The following SPATS2 variants were observed in gnomAD, a reference collection of about 807,000 sequenced individuals.
The protein encoded by SPATS2 is spermatogenesis associated serine rich 2, also known as spermatogenesis-associated serine-rich protein 2.
A neutral mutation model predicts 63.7 loss-of-function variants in SPATS2; 38 were observed. That is an observed-to-expected ratio of 0.60 (90% CI 0.46 to 0.78). The LOEUF is 0.78. Among genes scored for constraint, SPATS2 ranks in the 30% least tolerant of loss-of-function variants. The pLI is 0.00. For missense variants in SPATS2, 588 were observed against 666.2 expected, an observed-to-expected ratio of 0.88 and a Z score of 1.29; for synonymous variants, 207 against 232.9, an observed-to-expected ratio of 0.89 and a Z score of 1.01.
At chr12:49,441,531 C>T (rs921398329) in intron 2 of SPATS2, among the ~76,000 whole-genome samples, 1 of 152,156 alleles carries the variant, frequency 6.6e-6, no homozygotes, top group African/African-American at 2.4e-5. Flanking sequence ...GTCCACTTAA[C>T]ATCAATCTGA....
At chr12:49,387,418 C>T (rs990696251) in intron 2 of SPATS2, among the ~76,000 whole-genome samples, 12 of 151,728 alleles carry the variant, frequency 7.9e-5, no homozygotes, top group African/African-American at 2.9e-4. Flanking sequence ...GGGTGGATCG[C>T]CTGGGGTTAG....
chr12:49,423,158 A>G (rs1277026387), intron 2 of SPATS2, among the ~76,000 whole-genome samples: 2 of 148,050 alleles, frequency 1.4e-5, no homozygotes, highest in Non-Finnish European at 3.0e-5. Flanking sequence ...TTTTTTTGAG[A>G]TGAAGTCTCT....
At position 49,408,432 on chromosome 12, in the gene SPATS2, T is replaced by A. The variant is rs527855178; in HGVS notation, c.-244+37142T>A. Among the ~76,000 whole-genome samples the A allele has an allele frequency of 1.4e-3, 207 of 152,120 alleles. 1 individual carries two copies. The highest frequency in any genetic ancestry group is 1.6e-3 in the Non-Finnish European group (109 of 67,986). On this transcript the variant is annotated intron_variant, in intron 2 of 13. Coordinates refer to ENST00000552918, the MANE Select transcript of SPATS2 (RefSeq NM_023071.4). ...CATGCCCGGCTAATTTTTGTATTTT[T>A]AGTAGAGACAGGGTTTTGCCATGTT... is the stretch of plus-strand genomic sequence containing the variant.
rs1045625842 is a variant in SPATS2, at chr12:49,512,264, A to G, written c.840-2291A>G. Among the ~76,000 whole-genome samples, 3 of 152,230 alleles carry G rather than the reference A, an allele frequency of 2.0e-5. No individual in the cohort carries two copies. In the East Asian group the frequency reaches 5.8e-4, roughly 29 times the overall value. ...TTGTTTAACCCTGGGCTGACATCATAGGACTTTTCACTAGATGTTATCAAT... is the reference window on the plus strand; with the variant it reads ...TTGTTTAACCCTGGGCTGACATCATGGGACTTTTCACTAGATGTTATCAAT... On this transcript the variant is annotated intron_variant, in intron 9 of 13. Transcript: ENST00000552918.
intron 3 of SPATS2, among the ~76,000 whole-genome samples, chr12:49,470,112 A>G (rs1201291386): frequency 1.3e-5 from 2 of 151,470 alleles, no homozygotes; most frequent in African/African-American, 2.4e-5. Flanking sequence ...GCTCACTGCA[A>G]CCTCCACCTC....
At chr12:49,476,429 A>G (rs1164663537) in intron 3 of SPATS2, among the ~76,000 whole-genome samples, 1 of 152,138 alleles carries the variant, frequency 6.6e-6, no homozygotes, top group Non-Finnish European at 1.5e-5. Context: ...CCCATGTGTA[A>G]TCTGATTCTT....
intron 2 of SPATS2, among the ~76,000 whole-genome samples, chr12:49,423,155 G>A (rs1208451886): frequency 7.8e-6 from 1 of 128,104 alleles, no homozygotes; most frequent in Non-Finnish European, 1.7e-5. Context: ...TTTTTTTTTT[G>A]AGATGAAGTC....
chr12:49,476,707 A>G (rs964566772), intron 3 of SPATS2, among the ~76,000 whole-genome samples: 13 of 152,186 alleles, frequency 8.5e-5, no homozygotes, highest in Admixed American at 7.2e-4. Flanking sequence ...GGACAAGGGA[A>G]CTTTTCCTGT....
rs60064985 is a variant in SPATS2, at chr12:49,509,810, C to CAA, written c.840-4730_840-4729dup. ...CCAGCCTGGGCAACAGAGCAAGTCTCAAAAAAAAAAAAAAAAGGGAAGGAA... is the reference window on the plus strand; with the variant it reads ...CCAGCCTGGGCAACAGAGCAAGTCTCAAAAAAAAAAAAAAAAAAGGGAAGGAA... On this transcript the variant is annotated intron_variant, in intron 9 of 13. Coordinates refer to ENST00000552918, the MANE Select transcript of SPATS2 (RefSeq NM_023071.4). Among the ~76,000 whole-genome samples, 185 of 71,820 alleles carry CAA rather than the reference C, an allele frequency of 2.6e-3. 2 individuals are homozygous for CAA. Among genetic ancestry groups the CAA allele is most frequent in the South Asian group, 0.021 (47 of 2,246 alleles). 47.1% of individuals were successfully genotyped at this position (71,820 alleles called of 152,430 possible). A position where few individuals can be genotyped will look rare whatever the true frequency, so the allele number is the denominator to read the frequency against.
chr12:49,374,692 G>T (rs1281247673), intron 2 of SPATS2, among the ~76,000 whole-genome samples: 1 of 151,848 alleles, frequency 6.6e-6, no homozygotes. Flanking sequence ...TGGGTGCGGT[G>T]GCTCACGCCT....
chr12:49,520,900 G>A (rs1478352448), intron 11 of SPATS2, among the ~76,000 whole-genome samples: 1 of 151,862 alleles, frequency 6.6e-6, no homozygotes, highest in Non-Finnish European at 1.5e-5. Flanking sequence ...TGTATTTTTA[G>A]TAGAGACAGG....
chr12:49,371,954 T>G (rs1423383650), intron 2 of SPATS2, among the ~76,000 whole-genome samples: 1 of 1,282 alleles, frequency 7.8e-4, no homozygotes. Flanking sequence ...CCTTTCAGGT[T>G]TTTTTTTTTT....
At chr12:49,427,487 C>G (rs1303056236) in intron 2 of SPATS2, among the ~76,000 whole-genome samples, 3 of 152,086 alleles carry the variant, frequency 2.0e-5, no homozygotes, top group Non-Finnish European at 4.4e-5. Flanking sequence ...TACGTGTTTT[C>G]TAATGTACCA....
chr12:49,505,322 T>C (rs1471123453), intron 9 of SPATS2, among the ~76,000 whole-genome samples: 5 of 152,226 alleles, frequency 3.3e-5, no homozygotes, highest in South Asian at 2.1e-4. Flanking sequence ...TTTGTTGATA[T>C]CTTGTTTCTA....
At position 49,523,444 on chromosome 12, in the gene SPATS2, A is replaced by G. The variant is rs1199573339; in HGVS notation, c.1111+591A>G. Among the ~76,000 whole-genome samples the G allele has an allele frequency of 2.6e-5, 4 of 152,120 alleles. No individual in the cohort carries two copies. The East Asian group carries it at 5.8e-4, about 22-fold the overall frequency. On this transcript the variant is annotated intron_variant, in intron 12 of 13. Transcript: ENST00000552918. ...CAGGAGTTTGAGGTTCCAGTGAGCTATGATTGCCACTGCACTCCAACCTGG... is the reference window on the plus strand; with the variant it reads ...CAGGAGTTTGAGGTTCCAGTGAGCTGTGATTGCCACTGCACTCCAACCTGG...
At chr12:49,479,546 C>G (rs904606625) in intron 3 of SPATS2, among the ~76,000 whole-genome samples, 1 of 152,192 alleles carries the variant, frequency 6.6e-6, no homozygotes, top group Non-Finnish European at 1.5e-5. Context: ...GGGCTCCTGC[C>G]TGCTTCATGG....
intron 3 of SPATS2, among the ~76,000 whole-genome samples, chr12:49,467,892 C>T (rs1945952602): frequency 6.6e-6 from 1 of 151,744 alleles, no homozygotes; most frequent in Admixed American, 6.6e-5. Flanking sequence ...TGCCACCACG[C>T]CCGGCTAATT....
Position 49,460,975 on chromosome 12 carries a change from A to G in SPATS2, c.-38A>G. 6.2e-7 allele frequency: 1 copy of G among 1,612,444 alleles called. No homozygotes were observed. The highest frequency in any genetic ancestry group is 8.5e-7 in the Non-Finnish European group (1 of 1,178,808). On this transcript the variant is annotated 5_prime_UTR_variant, in exon 3 of 14. It adds an upstream start codon to the 5' untranslated region. Transcript: ENST00000552918. The stretch of plus-strand genomic sequence containing the variant: ...CAAAACCCAGACAAGGCAAAAGGAT[A>G]CTTTTCTTGTATATTTTTTGAGATC...
At chr12:49,460,479 A>G (rs1476089782) in intron 2 of SPATS2, among the ~76,000 whole-genome samples, 1 of 152,054 alleles carries the variant, frequency 6.6e-6, no homozygotes, top group African/African-American at 2.4e-5. Flanking sequence ...GATCTTAGGG[A>G]GTGGTAAGAG....
Sources: allele counts gnomAD v4.1 joint callset (sites outside exome capture counted in the v4.1 genomes callset), GRCh38; gene constraint gnomAD v4.1.1; transcripts MANE v1.5; gene names NCBI Gene and HGNC (gene_info 2026-07-23, HGNC 2026-07-21).